The following BCR variants were observed in gnomAD, a reference collection of about 807,000 sequenced individuals.
BCR encodes the protein breakpoint cluster region protein.
In BCR, 58 loss-of-function variants were observed where a neutral mutation model predicts 138.6. The observed-to-expected ratio is 0.42, with a 90% CI of 0.34 to 0.52. The LOEUF (loss-of-function observed/expected upper bound fraction) is 0.52, where lower values mean the gene tolerates loss of function less well. Ranked by LOEUF, BCR falls within the 20% of genes least tolerant of loss-of-function variation. The pLI, the probability that BCR is intolerant of heterozygous loss-of-function variation, is 0.06. For missense variants in BCR, 1,599 were observed against 1,727.2 expected, an observed-to-expected ratio of 0.93 and a Z score of 1.32; for synonymous variants, 786 against 730.1, an observed-to-expected ratio of 1.08 and a Z score of -1.23.
chr22:23,290,524 G>A (rs1242427542), intron 14 of BCR, 111 bp downstream of exon 14: 25 of 1,105,612 alleles, frequency 2.3e-5, no homozygotes, highest in Non-Finnish European at 2.9e-5. Flanking sequence ...AGATGACCAC[G>A]GGACACCTTT....
intron 16 of BCR, among the ~76,000 whole-genome samples, chr22:23,308,630 G>C (rs549746802): frequency 6.6e-6 from 1 of 152,092 alleles, no homozygotes; most frequent in South Asian, 2.1e-4. Flanking sequence ...TAACAAGATG[G>C]TACTGCTCAT....
rs2074090376 is a variant in BCR at position 23,317,931 on chromosome 22, C to T, written c.*2409C>T. ...CCTTGGGCCCTGGGTTTGAAGCAGC[C>T]TGGCTTTCTCTTGGTAAGTGGCTGG... On this transcript the variant is annotated 3_prime_UTR_variant, in exon 23 of 23. Coordinates refer to ENST00000305877, the MANE Select transcript of BCR (RefSeq NM_004327.4). 6.7e-6 allele frequency: 1 copy of T among 149,704 alleles called. No homozygotes were observed. The highest frequency in any genetic ancestry group is 7.6e-5 in the Admixed American group (1 of 13,102). The allele number at this position is 149,704 out of a possible 1,614,324, so 9.3% of individuals were successfully genotyped here. A position where few individuals can be genotyped will look rare whatever the true frequency, so the allele number is the denominator to read the frequency against.
At chr22:23,188,648 T>G (rs2072376569) in intron 1 of BCR, among the ~76,000 whole-genome samples, 1 of 152,188 alleles carries the variant, frequency 6.6e-6, no homozygotes, top group South Asian at 2.1e-4. Flanking sequence ...GTCTGAGTTT[T>G]GGCTGAGGCT....
intron 8 of BCR, among the ~76,000 whole-genome samples, chr22:23,274,564 T>C (rs1371192819): frequency 2.0e-5 from 3 of 152,168 alleles, no homozygotes; most frequent in Non-Finnish European, 4.4e-5. Context: ...ACAGAAGCTG[T>C]CTGGCCCAGG....
At chr22:23,266,995 A>G (rs1216939159) in intron 4 of BCR, among the ~76,000 whole-genome samples, 3 of 152,052 alleles carry the variant, frequency 2.0e-5, no homozygotes, top group Non-Finnish European at 4.4e-5. Flanking sequence ...TCCTGACCAC[A>G]TTCTCAAAAG....
intron 4 of BCR, chr22:23,263,268 G>A (rs2073392638): frequency 2.7e-6 from 3 of 1,097,846 alleles, no homozygotes; most frequent in Non-Finnish European, 4.0e-6. Flanking sequence ...CGACATGCGG[G>A]CCCTCGGCCG....
intron 1 of BCR, among the ~76,000 whole-genome samples, chr22:23,253,356 T>G (rs914011577): frequency 4.6e-5 from 7 of 152,040 alleles, no homozygotes; most frequent in African/African-American, 1.7e-4. Context: ...GGGTGCCAAC[T>G]CTCTAATCGT....
intron 1 of BCR, among the ~76,000 whole-genome samples, chr22:23,250,125 C>T (rs891637020): frequency 2.0e-5 from 3 of 152,212 alleles, no homozygotes; most frequent in Non-Finnish European, 4.4e-5. Context: ...TGTGGCTTCG[C>T]ACATGTGGAG....
chr22:23,184,638 A>G (rs886623276), intron 1 of BCR, among the ~76,000 whole-genome samples: 20 of 152,112 alleles, frequency 1.3e-4, no homozygotes, highest in African/African-American at 4.8e-4. Flanking sequence ...TTGGTGCCTC[A>G]TTATTACCCA....
chr22:23,284,938 G>A (rs2073693274), intron 9 of BCR, 95 bp from the exon 10 acceptor site: 1 of 1,396,836 alleles, frequency 7.2e-7, no homozygotes. Flanking sequence ...AACCATGTAT[G>A]GCCGAGAACA....
rs1303987882 is a variant in BCR, at chr22:23,190,464, G to A, written c.1279+8225G>A. ...ATTATAGGCATGAGCCACTGCACCC[G>A]GCCCAAATTTCCCTTCTTAAAAGGA... On this transcript the variant is annotated intron_variant, in intron 1 of 22. Transcript: ENST00000305877. 3.9e-5 allele frequency among the ~76,000 whole-genome samples: 6 copies of A among 152,018 alleles called. No homozygotes were observed. In the South Asian group the frequency reaches 6.2e-4, roughly 16 times the overall value.
At chr22:23,291,571 C>T (rs1416721493) in intron 14 of BCR, among the ~76,000 whole-genome samples, 4 of 152,090 alleles carry the variant, frequency 2.6e-5, no homozygotes, top group African/African-American at 4.8e-5. Context: ...AGCAATACAG[C>T]GTGACACCCT....
chr22:23,311,754 C>A lies in BCR; in HGVS notation c.3240C>A (p.Arg1080=). The change falls in exon 19 of 23, where the codon CGC becomes CGA. Residue 1080 remains arginine, a synonymous_variant. Coordinates refer to ENST00000305877, the MANE Select transcript of BCR (RefSeq NM_004327.4). ...GCCAGTGCGTGGAGGAGATCGAGCG[C>A]CGAGGCATGGAGGAGGTGGGCATCT... ...IVRQCVEEIE[R]RGMEEVGIYR... The A allele has an allele frequency of 6.2e-7, 1 of 1,611,588 alleles. No homozygotes were observed.
chr22:23,223,340 G>C (rs185015335), intron 1 of BCR, among the ~76,000 whole-genome samples: 125 of 152,328 alleles, frequency 8.2e-4, no homozygotes, highest in East Asian at 6.6e-3. Context: ...ATATCTCCAA[G>C]TGTCCATGTA....
chr22:23,272,994 C>T, intron 6 of BCR, 87 bp from the exon 7 acceptor site: 4 of 1,456,174 alleles, frequency 2.7e-6, no homozygotes, highest in Non-Finnish European at 3.8e-6. Flanking sequence ...GCAGCCCCCT[C>T]CCCACTCACC....
At chr22:23,245,851 A>AGT (rs1426269874) in intron 1 of BCR, among the ~76,000 whole-genome samples, 4 of 152,186 alleles carry the variant, frequency 2.6e-5, no homozygotes, top group African/African-American at 9.7e-5. Flanking sequence ...CATAAAATGA[A>AGT]TCATTTTAAA....
At chr22:23,237,302 G>A (rs2073037746) in intron 1 of BCR, among the ~76,000 whole-genome samples, 1 of 152,214 alleles carries the variant, frequency 6.6e-6, no homozygotes, top group Non-Finnish European at 1.5e-5. Flanking sequence ...CATGGAGGCA[G>A]GCTGGGCGTG....
chr22:23,194,830 C>T (rs2072458542), intron 1 of BCR, among the ~76,000 whole-genome samples: 1 of 151,536 alleles, frequency 6.6e-6, no homozygotes, highest in Middle Eastern at 3.2e-3. Context: ...AATCTCAGCT[C>T]TTCTGGGGGC....
intron 16 of BCR, among the ~76,000 whole-genome samples, chr22:23,305,597 C>T (rs915160615): frequency 6.6e-6 from 1 of 152,240 alleles, no homozygotes. Context: ...CGGCCTCCCT[C>T]AGCCCCCACC....
Sources: allele counts gnomAD v4.1 joint callset (sites outside exome capture counted in the v4.1 genomes callset), GRCh38; gene constraint gnomAD v4.1.1; transcripts MANE v1.5; gene names NCBI Gene and HGNC (gene_info 2026-07-23, HGNC 2026-07-21).